The following ENKUR variants were observed in gnomAD, a reference collection of about 807,000 sequenced individuals.
The protein encoded by ENKUR is enkurin, TRPC channel interacting protein.
A neutral mutation model predicts 27.6 loss-of-function variants in ENKUR; 19 were observed. The ratio of observed to expected loss-of-function variants is 0.69; its 90% CI spans 0.48 to 1.01. The LOEUF is 1.01. Ranked by LOEUF, ENKUR falls within the 50% of genes least tolerant of loss-of-function variation. The pLI, the probability that ENKUR is intolerant of heterozygous loss-of-function variation, is 0.00. For missense variants in ENKUR, 312 were observed against 310.5 expected (o/e 1.00, Z -0.04); for synonymous variants, 117 against 96.9 (o/e 1.21, Z -1.22).
chr10:25,022,573 T>C (rs1430578056), intron 2 of ENKUR, among the ~76,000 whole-genome samples: 1 of 152,236 alleles, frequency 6.6e-6, no homozygotes, highest in Non-Finnish European at 1.5e-5. Flanking sequence ...TGTCATACCT[T>C]TGTCCTGTAG....
At chr10:25,043,067 T>C (rs530449646) in intron 2 of ENKUR, among the ~76,000 whole-genome samples, 2 of 152,138 alleles carry the variant, frequency 1.3e-5, no homozygotes, top group Non-Finnish European at 2.9e-5. Context: ...GAAATAAACA[T>C]TGAAGTATTA....
chr10:24,984,843 A>C lies in ENKUR; in HGVS notation c.657T>G (p.Asp219Glu). Residue 219 changes from aspartate (D) to glutamate (E), a missense_variant, in exon 5 of 6, where the codon GAT (aspartate) becomes GAG (glutamate). Physicochemically the swap from Asp to Glu is conservative, Grantham distance 45. Transcript: ENST00000331161. ...KEFQSLSVFI[D>E]SIPKKIRKQR... is the part of the protein sequence containing the mutation. Reference sequence around the variant, plus strand: ...GCTTGCGGATCTTCTTTGGTATAGAATCTATAAAGACCGAGAGGGACTGGA... The same window carrying C: ...GCTTGCGGATCTTCTTTGGTATAGACTCTATAAAGACCGAGAGGGACTGGA... 6.2e-7 allele frequency: 1 copy of C among 1,613,804 alleles called. No individual in the cohort carries two copies. Among genetic ancestry groups the C allele is most frequent in the Non-Finnish European group, 8.5e-7 (1 of 1,179,828 alleles).
intron 2 of ENKUR, chr10:25,024,150 G>T: frequency 1.2e-6 from 2 of 1,614,172 alleles, no homozygotes; most frequent in African/African-American, 1.3e-5. Context: ...CTGCTGCCAG[G>T]TTGGGAGAAA....
At chr10:24,988,666 A>G (rs201511307) in intron 4 of ENKUR, among the ~76,000 whole-genome samples, 375 of 862 alleles carry the variant, frequency 0.44, 3 homozygotes, top group African/African-American at 0.48. Flanking sequence ...CAGCATATGT[A>G]TATATATATA....
chr10:25,044,483 A>G (rs1320671930), intron 2 of ENKUR, among the ~76,000 whole-genome samples: 2 of 151,910 alleles, frequency 1.3e-5, no homozygotes, highest in East Asian at 3.9e-4. Context: ...TGCAACCTCA[A>G]CCTCCTGAGT....
At chr10:25,005,463 A>AT (rs146773767) in intron 1 of ENKUR, among the ~76,000 whole-genome samples, 2,905 of 151,834 alleles carry the variant, frequency 0.019, 97 homozygotes, top group African/African-American at 0.066. Flanking sequence ...CTTAATTGAG[A>AT]TTTTTTTTTC....
chr10:25,032,477 G>A (rs1850947811), intron 2 of ENKUR, among the ~76,000 whole-genome samples: 1 of 152,130 alleles, frequency 6.6e-6, no homozygotes, highest in Non-Finnish European at 1.5e-5. Flanking sequence ...CTAATCAGCA[G>A]TCACCCTGCT....
intron 2 of ENKUR, among the ~76,000 whole-genome samples, chr10:25,055,545 CAAAAAAA>C (rs142864120): frequency 1.1e-5 from 1 of 94,350 alleles, no homozygotes. Context: ...AACAAATTGG[CAAAAAAA>C]AAAAAAAAAA....
chr10:25,042,248 T>C (rs1851072266), intron 2 of ENKUR, among the ~76,000 whole-genome samples: 1 of 151,690 alleles, frequency 6.6e-6, no homozygotes, highest in Non-Finnish European at 1.5e-5. Flanking sequence ...ATAGAAATTT[T>C]CTGTACTATC....
intron 1 of ENKUR, among the ~76,000 whole-genome samples, chr10:25,011,398 C>G (rs1186867810): frequency 6.6e-6 from 1 of 152,038 alleles, no homozygotes; most frequent in South Asian, 2.1e-4. Flanking sequence ...TGTAGGTTGC[C>G]TATTCACTCT....
intron 1 of ENKUR, among the ~76,000 whole-genome samples, chr10:25,007,781 G>A (rs752074819): frequency 1.3e-5 from 2 of 151,904 alleles, no homozygotes; most frequent in Non-Finnish European, 2.9e-5. Flanking sequence ...TAAACATTAA[G>A]CCAGTAAATG....
intron 2 of ENKUR, among the ~76,000 whole-genome samples, chr10:25,057,389 AC>A (rs796919956): frequency 5.4e-5 from 6 of 111,822 alleles, no homozygotes; most frequent in African/African-American, 2.1e-4. Flanking sequence ...GTACACACAC[AC>A]ACACACACAC....
chr10:25,052,855 C>T (rs533100888), intron 2 of ENKUR, among the ~76,000 whole-genome samples: 8 of 152,008 alleles, frequency 5.3e-5, no homozygotes, highest in Admixed American at 2.0e-4. Flanking sequence ...CTGCAAGCTC[C>T]GCCTCCTGGG....
chr10:25,010,527 C>T (rs1377802101), intron 1 of ENKUR, among the ~76,000 whole-genome samples: 2 of 151,472 alleles, frequency 1.3e-5, no homozygotes, highest in East Asian at 2.0e-4. Context: ...ATGTGCCATG[C>T]TGGTGTGCTG....
Position 24,995,826 on chromosome 10 carries a change from T to C in ENKUR, c.267A>G (p.Pro89=), listed in dbSNP as rs755626310. The change falls in exon 3 of 6, where the codon CCA becomes CCG. Residue 89 remains proline (P), a synonymous_variant. Transcript: ENST00000331161. ...DRNVPKKPAV[P]LKTDHPVMGI... is the part of the protein sequence containing the mutation. ...CCATGACAGGATGATCAGTCTTCAA[T>C]GGCACAGCAGGCTTTTTGGGCACGT... 2 of 1,613,506 alleles carry C rather than the reference T, an allele frequency of 1.2e-6. No homozygotes were observed. The highest frequency in any genetic ancestry group is 1.7e-4 in the Middle Eastern group (1 of 6,056).
At chr10:24,989,167 A>C (rs1339551299) in intron 4 of ENKUR, among the ~76,000 whole-genome samples, 2 of 152,190 alleles carry the variant, frequency 1.3e-5, no homozygotes, top group Non-Finnish European at 1.5e-5. Context: ...GTACTTTCTG[A>C]AAATGGGAAA....
chr10:25,027,357 CAAAAAAAA>C (rs71399946), intron 2 of ENKUR, among the ~76,000 whole-genome samples: 3 of 48,492 alleles, frequency 6.2e-5, no homozygotes, highest in Admixed American at 2.7e-4. Flanking sequence ...ACTCCCGTCT[CAAAAAAAA>C]AAAAAAAAAA....
At chr10:25,023,497 G>A (rs1459253162) in intron 2 of ENKUR, 1 of 1,614,070 alleles carries the variant, frequency 6.2e-7, no homozygotes, top group Non-Finnish European at 8.5e-7. Flanking sequence ...TGATATCCTT[G>A]AAAAAACCTG....
At chr10:25,056,128 G>T (rs1306693308) in intron 2 of ENKUR, among the ~76,000 whole-genome samples, 1 of 152,204 alleles carries the variant, frequency 6.6e-6, no homozygotes, top group Non-Finnish European at 1.5e-5. Context: ...GCTCAGGAAG[G>T]TTAATCAGCT....
Sources: allele counts gnomAD v4.1 joint callset (sites outside exome capture counted in the v4.1 genomes callset), GRCh38; gene constraint gnomAD v4.1.1; transcripts MANE v1.5; gene names NCBI Gene and HGNC (gene_info 2026-07-23, HGNC 2026-07-21).